LIPA: variants seen among roughly 807,000 people sequenced by gnomAD.
LIPA encodes lipase A, lysosomal acid type.
Under a neutral mutation model 40.6 loss-of-function variants are expected in LIPA, and 26 were observed. The observed-to-expected ratio is 0.64, with a 90% CI of 0.47 to 0.89. LIPA has a LOEUF of 0.89. Among genes scored for constraint, LIPA ranks in the 40% least tolerant of loss-of-function variants. The pLI is 0.00. For missense variants in LIPA, 455 were observed against 479.6 expected (o/e 0.95, Z 0.48); for synonymous variants, 188 against 168.4 (o/e 1.12, Z -0.90).
At chr10:89,309,477 C>T (rs963798381) in intron 1 of LIPA, among the ~76,000 whole-genome samples, 2 of 152,186 alleles carry the variant, frequency 1.3e-5, no homozygotes, top group Non-Finnish European at 2.9e-5. Context: ...GAAGATCTAG[C>T]TCACCTTGAT....
intron 1 of LIPA, among the ~76,000 whole-genome samples, chr10:89,265,598 ATGT>A (rs1324738558): frequency 3.3e-5 from 5 of 152,238 alleles, no homozygotes; most frequent in South Asian, 4.1e-4. Flanking sequence ...CATTTTTAAA[ATGT>A]TGTTCATAGG....
chr10:89,325,532 G>A (rs1185825244), intron 1 of LIPA, among the ~76,000 whole-genome samples: 1 of 152,018 alleles, frequency 6.6e-6, no homozygotes, highest in African/African-American at 2.4e-5. Context: ...CTACTATGCA[G>A]CCACAAAAAA....
intron 1 of LIPA, among the ~76,000 whole-genome samples, chr10:89,318,268 T>A (rs1843552383): frequency 6.6e-6 from 1 of 152,166 alleles, no homozygotes; most frequent in Admixed American, 6.5e-5. Context: ...AGACACAGAC[T>A]GGCAAATTGG....
At chr10:89,371,549 A>G (rs1844091465) in intron 2 of LIPA, among the ~76,000 whole-genome samples, 1 of 152,216 alleles carries the variant, frequency 6.6e-6, no homozygotes, top group Admixed American at 6.5e-5. Context: ...ACGAGACAGC[A>G]AACCACTAGT....
At chr10:89,325,495 G>A (rs1224709908) in intron 1 of LIPA, among the ~76,000 whole-genome samples, 1 of 152,060 alleles carries the variant, frequency 6.6e-6, no homozygotes, top group Non-Finnish European at 1.5e-5. Flanking sequence ...ACAGGATAAG[G>A]GAAATGTGGT....
intron 2 of LIPA, among the ~76,000 whole-genome samples, chr10:89,353,015 A>G (rs182720781): frequency 6.6e-6 from 1 of 152,256 alleles, no homozygotes; most frequent in Non-Finnish European, 1.5e-5. Flanking sequence ...TTCATGTAAA[A>G]CTGCCGATTC....
intron 1 of LIPA, among the ~76,000 whole-genome samples, chr10:89,336,101 C>A (rs1218870868): frequency 1.1e-4 from 17 of 148,156 alleles, no homozygotes; most frequent in Non-Finnish European, 7.4e-5. Context: ...TATAGTGAGA[C>A]CCTGTCTCTG....
chr10:89,269,152 C>G (rs1230879714), intron 1 of LIPA, among the ~76,000 whole-genome samples: 4 of 151,192 alleles, frequency 2.6e-5, no homozygotes, highest in Non-Finnish European at 4.4e-5. Context: ...CAGTGAAACC[C>G]CGTCTCTACT....
intron 2 of LIPA, among the ~76,000 whole-genome samples, chr10:89,386,188 T>C (rs574743289): frequency 2.6e-5 from 4 of 152,236 alleles, no homozygotes; most frequent in African/African-American, 7.2e-5. Context: ...CATAAGTGCA[T>C]GCCACCATGT....
intron 2 of LIPA, chr10:89,383,712 C>T (rs1435764120): frequency 2.5e-5 from 40 of 1,614,160 alleles, no homozygotes; most frequent in Non-Finnish European, 3.2e-5. Flanking sequence ...ATCCTTCCCG[C>T]TATAGAATGG....
At chr10:89,237,850 A>G (rs938384996) in intron 3 of LIPA, among the ~76,000 whole-genome samples, 11 of 152,202 alleles carry the variant, frequency 7.2e-5, no homozygotes, top group African/African-American at 2.7e-4. Flanking sequence ...GAAGTGGTCT[A>G]CTTGCCCCCA....
intron 2 of LIPA, among the ~76,000 whole-genome samples, chr10:89,374,343 A>ACTCT (rs10658637): frequency 2.0e-5 from 3 of 147,852 alleles, no homozygotes; most frequent in African/African-American, 7.4e-5. Context: ...ACACACACAC[A>ACTCT]CTCTCTCTCT....
intron 1 of LIPA, among the ~76,000 whole-genome samples, chr10:89,324,439 C>T (rs564735745): frequency 6.6e-6 from 1 of 152,174 alleles, no homozygotes; most frequent in South Asian, 2.1e-4. Flanking sequence ...CTAGGAAATA[C>T]GATTCTCAAC....
intron 1 of LIPA, among the ~76,000 whole-genome samples, chr10:89,315,914 T>C (rs1302373427): frequency 2.0e-5 from 3 of 152,154 alleles, no homozygotes; most frequent in Non-Finnish European, 4.4e-5. Flanking sequence ...TGGACAAAAC[T>C]ACTATTTTTT....
At chr10:89,402,125 A>C (rs899778520) in intron 2 of LIPA, among the ~76,000 whole-genome samples, 3 of 152,236 alleles carry the variant, frequency 2.0e-5, no homozygotes, top group Admixed American at 6.5e-5. Context: ...AACAATATCA[A>C]CAGTCCATGA....
At chr10:89,278,834 A>G (rs1438482331) in intron 1 of LIPA, among the ~76,000 whole-genome samples, 1 of 151,264 alleles carries the variant, frequency 6.6e-6, no homozygotes, top group African/African-American at 2.4e-5. Context: ...ATTTTAAAAT[A>G]TGTAATATAA....
intron 1 of LIPA, chr10:89,302,157 T>G (rs778065396): frequency 6.2e-7 from 1 of 1,612,828 alleles, no homozygotes; most frequent in Admixed American, 1.7e-5. Context: ...TATTCGGTAG[T>G]GCTGTTGAGT....
intron 2 of LIPA, among the ~76,000 whole-genome samples, chr10:89,394,910 G>A (rs899601245): frequency 4.0e-5 from 6 of 151,756 alleles, no homozygotes; most frequent in African/African-American, 1.5e-4. Flanking sequence ...TGCCTATTGT[G>A]GGTATTTCAT....
upstream of LIPA, among the ~76,000 whole-genome samples, chr10:89,344,547 A>G (rs1002993720): frequency 1.1e-4 from 16 of 151,862 alleles, no homozygotes; most frequent in African/African-American, 3.6e-4. Context: ...GTCATTGATA[A>G]TTTCTAATCT....
Sources: allele counts gnomAD v4.1 joint callset (sites outside exome capture counted in the v4.1 genomes callset), GRCh38; gene constraint gnomAD v4.1.1; transcripts MANE v1.5; gene names NCBI Gene and HGNC (gene_info 2026-07-23, HGNC 2026-07-21).